DPYD: variants seen among roughly 807,000 people sequenced by gnomAD.
The protein encoded by DPYD is dihydropyrimidine dehydrogenase [NADP(+)].
In DPYD, 109 loss-of-function variants were observed where a neutral mutation model predicts 116.2. That is an observed-to-expected ratio of 0.94 (90% CI 0.80 to 1.10). The LOEUF (loss-of-function observed/expected upper bound fraction) is 1.10, where lower values mean the gene tolerates loss of function less well. DPYD is among the 50% of genes least tolerant of loss of function. The pLI, the probability that DPYD is intolerant of heterozygous loss-of-function variation, is 0.00. For missense variants in DPYD, 1,302 were observed against 1,254.5 expected (o/e 1.04, Z -0.57); for synonymous variants, 440 against 432.0 (o/e 1.02, Z -0.23).
At chr1:97,135,029 T>C (rs1215576369) in intron 20 of DPYD, among the ~76,000 whole-genome samples, 2 of 152,074 alleles carry the variant, frequency 1.3e-5, no homozygotes, top group Non-Finnish European at 2.9e-5. Context: ...TAATTGATAT[T>C]TTAAAAAATC....
intron 16 of DPYD, among the ~76,000 whole-genome samples, chr1:97,358,519 C>CTGATGCCTCAA (rs1255378099): frequency 6.6e-6 from 1 of 152,140 alleles, no homozygotes; most frequent in Non-Finnish European, 1.5e-5. Context: ...CCCTGATGCC[C>CTGATGCCTCAA]GTGTAGCCTA....
At chr1:97,850,502 A>T (rs1037803414) in intron 2 of DPYD, among the ~76,000 whole-genome samples, 3 of 152,178 alleles carry the variant, frequency 2.0e-5, no homozygotes, top group Non-Finnish European at 4.4e-5. Flanking sequence ...TTGATTCAAC[A>T]GTCCTTTTAT....
intron 8 of DPYD, among the ~76,000 whole-genome samples, chr1:97,609,596 G>GT (rs1458093958): frequency 3.3e-5 from 5 of 151,940 alleles, no homozygotes; most frequent in Non-Finnish European, 7.4e-5. Flanking sequence ...GTTCAAGGCA[G>GT]TAAAAAAAGC....
intron 13 of DPYD, among the ~76,000 whole-genome samples, chr1:97,454,025 AAT>A (rs1402829432): frequency 6.6e-6 from 1 of 152,048 alleles, no homozygotes; most frequent in Non-Finnish European, 1.5e-5. Context: ...ACTGTTGTAG[AAT>A]GGGTTAACTA....
intron 8 of DPYD, among the ~76,000 whole-genome samples, chr1:97,631,713 GTCT>G (rs1194639636): frequency 6.6e-6 from 1 of 152,038 alleles, no homozygotes; most frequent in East Asian, 1.9e-4. Flanking sequence ...TGAAAATAGA[GTCT>G]TCTTGAAACA....
intron 18 of DPYD, among the ~76,000 whole-genome samples, chr1:97,298,891 G>T (rs569725367): frequency 6.6e-6 from 1 of 152,250 alleles, no homozygotes; most frequent in Admixed American, 6.5e-5. Flanking sequence ...ATCATTAGCA[G>T]TTAGCCTATG....
intron 18 of DPYD, among the ~76,000 whole-genome samples, chr1:97,301,686 T>C (rs1031846934): frequency 3.9e-5 from 6 of 151,980 alleles, no homozygotes; most frequent in Non-Finnish European, 7.4e-5. Flanking sequence ...GAAGCACCTG[T>C]AAATGAATAA....
At chr1:97,757,675 T>C (rs898546060) in intron 3 of DPYD, among the ~76,000 whole-genome samples, 1 of 152,168 alleles carries the variant, frequency 6.6e-6, no homozygotes, top group Non-Finnish European at 1.5e-5. Flanking sequence ...TTGTTAAGAC[T>C]TTCCCCTTTT....
chr1:97,096,942 G>A (rs922895720), intron 21 of DPYD, among the ~76,000 whole-genome samples: 20 of 152,066 alleles, frequency 1.3e-4, no homozygotes, highest in Admixed American at 1.3e-3. Context: ...CTTCATTCTC[G>A]AAGTCAGCGA....
chr1:97,687,027 T>C (rs989936114), intron 7 of DPYD, among the ~76,000 whole-genome samples: 1 of 152,014 alleles, frequency 6.6e-6, no homozygotes, highest in Non-Finnish European at 1.5e-5. Flanking sequence ...TCCCAGCAAT[T>C]TGGGAGGCTA....
chr1:97,281,009 A>C (rs1665288732), intron 18 of DPYD, among the ~76,000 whole-genome samples: 1 of 152,178 alleles, frequency 6.6e-6, no homozygotes, highest in African/African-American at 2.4e-5. Context: ...TAAAAATACA[A>C]TTATTGTTCG....
intron 3 of DPYD, among the ~76,000 whole-genome samples, chr1:97,806,138 T>G (rs1290036081): frequency 6.6e-6 from 1 of 151,914 alleles, no homozygotes; most frequent in Non-Finnish European, 1.5e-5. Context: ...AGAATAAACA[T>G]TTTTGTCAAG....
chr1:97,434,560 T>C (rs1031745646), intron 14 of DPYD, among the ~76,000 whole-genome samples: 7 of 152,074 alleles, frequency 4.6e-5, no homozygotes, highest in African/African-American at 1.2e-4. Context: ...ATTTTCCAGT[T>C]TGTGAATTAT....
At chr1:97,439,477 T>G (rs1675636881) in intron 14 of DPYD, among the ~76,000 whole-genome samples, 1 of 152,214 alleles carries the variant, frequency 6.6e-6, no homozygotes, top group Non-Finnish European at 1.5e-5. Flanking sequence ...TCCAGTTCAC[T>G]TAAGTTGATT....
At chr1:97,432,894 T>C (rs1199669360) in intron 14 of DPYD, among the ~76,000 whole-genome samples, 2 of 152,176 alleles carry the variant, frequency 1.3e-5, no homozygotes, top group African/African-American at 4.8e-5. Flanking sequence ...GACTTGGGAC[T>C]TGAGTCCCAG....
chr1:97,728,529 T>C (rs1486509099), intron 4 of DPYD, among the ~76,000 whole-genome samples: 1 of 152,112 alleles, frequency 6.6e-6, no homozygotes, highest in African/African-American at 2.4e-5. Flanking sequence ...TATTCAAGTC[T>C]TCATATCACT....
chr1:97,460,409 T>C (rs1676950745), intron 13 of DPYD, among the ~76,000 whole-genome samples: 1 of 152,112 alleles, frequency 6.6e-6, no homozygotes, highest in African/African-American at 2.4e-5. Flanking sequence ...CTACAAAACA[T>C]ACAACATGGG....
intron 8 of DPYD, among the ~76,000 whole-genome samples, chr1:97,676,117 T>G (rs1660130909): frequency 6.6e-6 from 1 of 152,132 alleles, no homozygotes; most frequent in Non-Finnish European, 1.5e-5. Context: ...GTGTTTTCTT[T>G]GCTACTAAGT....
At chr1:97,455,542 G>A (rs1216182781) in intron 13 of DPYD, among the ~76,000 whole-genome samples, 1 of 151,680 alleles carries the variant, frequency 6.6e-6, no homozygotes, top group Non-Finnish European at 1.5e-5. Flanking sequence ...TCACAAAAGA[G>A]GAAAATCACT....
Sources: gnomAD v4.1 joint callset for allele counts (sites outside exome capture counted in the v4.1 genomes callset) on GRCh38, gnomAD v4.1.1 for gene constraint, MANE v1.5 for transcripts, NCBI Gene and HGNC (gene_info 2026-07-23, HGNC 2026-07-21) for gene names.